The following MECOM variants were observed in gnomAD, a reference collection of about 807,000 sequenced individuals.
MECOM encodes histone-lysine N-methyltransferase MECOM.
MECOM carries 13 observed loss-of-function variants against 116.3 expected under a neutral mutation model. The observed-to-expected ratio is 0.11, with a 90% CI of 0.07 to 0.18. MECOM has a LOEUF of 0.18. Ranked by LOEUF, MECOM falls within the 10% of genes least tolerant of loss-of-function variation. The pLI is 1.00. For missense variants in MECOM, 1,299 were observed against 1,509.0 expected (o/e 0.86, Z 2.31); for synonymous variants, 528 against 535.2 (o/e 0.99, Z 0.19).
chr3:169,257,891 A>C (rs2149601622), intron 2 of MECOM, among the ~76,000 whole-genome samples: 1 of 152,330 alleles, frequency 6.6e-6, no homozygotes, highest in East Asian at 1.9e-4. Context: ...TCAAGATAGC[A>C]GTGTAACCCC....
intron 2 of MECOM, among the ~76,000 whole-genome samples, chr3:169,313,060 A>C (rs1275265821): frequency 6.6e-6 from 1 of 152,240 alleles, no homozygotes; most frequent in East Asian, 1.9e-4. Context: ...TGAGACAACC[A>C]GTGAAATAAG....
At chr3:169,313,818 T>C (rs1719240095) in intron 2 of MECOM, among the ~76,000 whole-genome samples, 1 of 152,156 alleles carries the variant, frequency 6.6e-6, no homozygotes, top group Non-Finnish European at 1.5e-5. Flanking sequence ...AGCTTGGGAA[T>C]GGCCAGTTGA....
At chr3:169,123,461 T>C (rs1016284529) in intron 5 of MECOM, among the ~76,000 whole-genome samples, 7 of 152,006 alleles carry the variant, frequency 4.6e-5, no homozygotes, top group African/African-American at 1.7e-4. Context: ...AAGCATAGTT[T>C]CTCTGTTTTA....
intron 1 of MECOM, among the ~76,000 whole-genome samples, chr3:169,562,164 G>GAAAAAAAAAAA (rs1762727118): frequency 9.9e-6 from 1 of 101,108 alleles, no homozygotes; most frequent in Non-Finnish European, 2.0e-5. Flanking sequence ...AAAAAAAAAG[G>GAAAAAAAAAAA]AAAGAAAGAA....
At chr3:169,309,668 A>G (rs910271071) in intron 2 of MECOM, among the ~76,000 whole-genome samples, 2 of 152,180 alleles carry the variant, frequency 1.3e-5, no homozygotes, top group East Asian at 3.9e-4. Flanking sequence ...CTCTTATCTT[A>G]AGCTCATATA....
intron 1 of MECOM, among the ~76,000 whole-genome samples, chr3:169,518,128 A>G (rs939901711): frequency 3.9e-5 from 6 of 152,082 alleles, no homozygotes; most frequent in East Asian, 3.9e-4. Context: ...GCGTGATGGC[A>G]GGCGCCTGTG....
At chr3:169,088,026 A>G (rs1718396544) in intron 16 of MECOM, among the ~76,000 whole-genome samples, 1 of 152,198 alleles carries the variant, frequency 6.6e-6, no homozygotes, top group African/African-American at 2.4e-5. Flanking sequence ...CATTGACACA[A>G]TGTTTTTCCC....
intron 2 of MECOM, among the ~76,000 whole-genome samples, chr3:169,221,321 A>G (rs1752108300): frequency 6.6e-6 from 1 of 152,212 alleles, no homozygotes; most frequent in Non-Finnish European, 1.5e-5. Flanking sequence ...GATAACAGTC[A>G]TTAATGGTTA....
At chr3:169,154,329 C>T (rs1275093180) in intron 2 of MECOM, among the ~76,000 whole-genome samples, 1 of 152,096 alleles carries the variant, frequency 6.6e-6, no homozygotes, top group Non-Finnish European at 1.5e-5. Flanking sequence ...ACTTTAAGTA[C>T]CAAGAGGGCA....
chr3:169,631,258 ATT>A (rs1772045403), intron 1 of MECOM, among the ~76,000 whole-genome samples: 1 of 152,180 alleles, frequency 6.6e-6, no homozygotes, highest in Non-Finnish European at 1.5e-5. Context: ...CTACTTCATG[ATT>A]TCCTTCAAGC....
At chr3:169,483,195 TA>T (rs1392822816) in intron 1 of MECOM, among the ~76,000 whole-genome samples, 64 of 123,592 alleles carry the variant, frequency 5.2e-4, no homozygotes, top group East Asian at 1.5e-3. Flanking sequence ...GTTTTATTTT[TA>T]TTTTTATTTT....
At chr3:169,517,014 C>A (rs1203126332) in intron 1 of MECOM, among the ~76,000 whole-genome samples, 1 of 152,134 alleles carries the variant, frequency 6.6e-6, no homozygotes, top group Non-Finnish European at 1.5e-5. Flanking sequence ...GGTCACTGAT[C>A]AATTCAGTCA....
rs1033007446 is a variant in MECOM at position 169,402,972 on chromosome 3, A to C, written c.38-21448T>G. On this transcript the variant is annotated intron_variant, in intron 1 of 16. Coordinates refer to ENST00000651503, the MANE Select transcript of MECOM (RefSeq NM_004991.4). ...TTTTGATAGGCACTTATTAAGCAAAATTCAACTTACATGTTATTTATTCCT... is the reference window on the plus strand; with the variant it reads ...TTTTGATAGGCACTTATTAAGCAAACTTCAACTTACATGTTATTTATTCCT... Among the ~76,000 whole-genome samples, 27 of 152,324 alleles carry C rather than the reference A, an allele frequency of 1.8e-4. 1 individual carries two copies. In the East Asian group the frequency reaches 5.0e-3, roughly 28 times the overall value.
chr3:169,168,540 T>C (rs564226705), intron 2 of MECOM, among the ~76,000 whole-genome samples: 13 of 152,258 alleles, frequency 8.5e-5, no homozygotes, highest in Middle Eastern at 6.8e-3. Flanking sequence ...TGATTAGTTA[T>C]GGGCAAATCA....
chr3:169,207,765 C>A (rs1750139176), intron 2 of MECOM, among the ~76,000 whole-genome samples: 2 of 152,118 alleles, frequency 1.3e-5, no homozygotes, highest in Non-Finnish European at 2.9e-5. Context: ...TGTCTCATGT[C>A]TTCTGTTAGG....
At chr3:169,628,890 C>G (rs1480023185) in intron 1 of MECOM, among the ~76,000 whole-genome samples, 4 of 152,118 alleles carry the variant, frequency 2.6e-5, no homozygotes, top group Non-Finnish European at 4.4e-5. Context: ...GAGCAGAATT[C>G]AGAGTGGGGC....
At chr3:169,096,568 C>G (rs1721561709) in intron 12 of MECOM, among the ~76,000 whole-genome samples, 1 of 152,140 alleles carries the variant, frequency 6.6e-6, no homozygotes, top group African/African-American at 2.4e-5. Context: ...CCGCGTCCAG[C>G]CTCCAAATGA....
At chr3:169,186,410 GAGGGAGGGAGGA>G (rs1746779912) in intron 2 of MECOM, among the ~76,000 whole-genome samples, 1 of 109,942 alleles carries the variant, frequency 9.1e-6, no homozygotes, top group Non-Finnish European at 1.8e-5. Flanking sequence ...GGGAGGGAGG[GAGGGAGGGAGGA>G]AACTAATTTG....
chr3:169,165,443 A>C (rs182533208), intron 2 of MECOM, among the ~76,000 whole-genome samples: 1 of 152,288 alleles, frequency 6.6e-6, no homozygotes, highest in African/African-American at 2.4e-5. Context: ...GGAAAAAAGT[A>C]TGTGGTTTTA....
Sources: allele counts gnomAD v4.1 joint callset (sites outside exome capture counted in the v4.1 genomes callset), GRCh38; gene constraint gnomAD v4.1.1; transcripts MANE v1.5; gene names NCBI Gene and HGNC (gene_info 2026-07-23, HGNC 2026-07-21).